Variants in ATAT1 observed in about 807,000 individuals in gnomAD.
The protein encoded by ATAT1 is alpha-tubulin N-acetyltransferase 1.
ATAT1 carries 42 observed loss-of-function variants against 57.2 expected under a neutral mutation model. The observed-to-expected ratio is 0.73, with a 90% confidence interval of 0.57 to 0.95. The LOEUF is 0.95. Among genes scored for constraint, ATAT1 ranks in the 40% least tolerant of loss-of-function variants. The pLI is 0.00. For synonymous variants in ATAT1, 168 were observed against 187.1 expected (o/e 0.90, Z 0.83); for missense variants, 454 against 523.7 (o/e 0.87, Z 1.30).
At chr6:30,631,865 G>A (rs755879082) in intron 6 of ATAT1, among the ~76,000 whole-genome samples, 2 of 152,138 alleles carry the variant, frequency 1.3e-5, no homozygotes, top group Non-Finnish European at 2.9e-5. Context: ...GTGTATGGCC[G>A]TGAGGTGGGA....
intron 6 of ATAT1, among the ~76,000 whole-genome samples, chr6:30,638,547 G>A (rs2127531351): frequency 6.6e-6 from 1 of 150,676 alleles, no homozygotes; most frequent in Non-Finnish European, 1.5e-5. Flanking sequence ...TGGGATTACA[G>A]GCGTGATCCA....
rs574688592 is a variant in ATAT1, at chr6:30,638,516, C to T, written c.502-1861C>T. Among the ~76,000 whole-genome samples the T allele has an allele frequency of 4.0e-5, 6 of 151,854 alleles. No individual in the cohort carries two copies. In the East Asian group the frequency reaches 5.8e-4, roughly 15 times the overall value. ...AACTCCTGACCTCAAGTGATCCACC[C>T]GCCTTGGCCTCCCAAATTGTTGGGA... On this transcript the variant is annotated intron_variant, in intron 6 of 12. Transcript: ENST00000330083.
At chr6:30,634,913 G>A (rs1235883140) in intron 6 of ATAT1, among the ~76,000 whole-genome samples, 3 of 151,876 alleles carry the variant, frequency 2.0e-5, no homozygotes, top group African/African-American at 4.8e-5. Context: ...GCGTGAACCC[G>A]GGAGGCAGAG....
rs1405052871 is a variant in ATAT1, at chr6:30,646,501, A to T, written c.1088A>T (p.Asp363Val). Residue 363 changes from aspartate to valine, a missense_variant, in exon 13 of 13, where the codon GAT (aspartate) becomes GTT (valine). Around this residue, in one of 3 missense-constraint regions of ATAT1, gnomAD observed 216 missense variants for 222.2 expected, o/e 0.97. Coordinates refer to ENST00000330083, the MANE Select transcript of ATAT1 (RefSeq NM_001031722.4). Reference sequence around the variant, plus strand: ...AGTGAGGAGCAGGCCTTGTCACAGGATGGGTCTGGGGAGAAGCCCATGCAC... The same window carrying T: ...AGTGAGGAGCAGGCCTTGTCACAGGTTGGGTCTGGGGAGAAGCCCATGCAC... The T allele has an allele frequency of 3.8e-6, 6 of 1,597,076 alleles. No individual in the cohort carries two copies. The highest frequency in any genetic ancestry group is 1.3e-5 in the African/African-American group (1 of 74,568).
Position 30,642,833 on chromosome 6 carries a change from GCCCACCCACCCCCCC to G in ATAT1, c.755_769del (p.Ala252_Arg257delinsGly). ...GGCCCCTCGCCGCGCCACACCTCCA[GCCCACCCACCCCCCC>G]GCTCCAGCAGCCTGGGAAACTCACC... On this transcript the variant is annotated inframe_deletion, in exon 10 of 13. Coordinates refer to ENST00000330083, the MANE Select transcript of ATAT1 (RefSeq NM_001031722.4). The G allele has an allele frequency of 1.6e-5, 25 of 1,537,648 alleles. No homozygotes were observed. Among genetic ancestry groups the G allele is most frequent in the East Asian group, 1.2e-4 (5 of 42,450 alleles).
chr6:30,644,311 G>A lies in ATAT1; in HGVS notation c.932+1300G>A, dbSNP rs533773705. On this transcript the variant is annotated intron_variant, in intron 10 of 12. Coordinates refer to ENST00000330083, the MANE Select transcript of ATAT1 (RefSeq NM_001031722.4). ...GAGTGTCAAGGATCTGTTAGATCCT[G>A]GAATCCCTTCTTGCATCCATCCCTC... 139 of 985,608 alleles carry A rather than the reference G, an allele frequency of 1.4e-4. No individual in the cohort carries two copies. The African/African-American group carries it at 2.1e-3, about 15-fold the overall frequency. The allele number at this position is 985,608 out of a possible 1,614,324, so 61.1% of individuals were successfully genotyped here.
intron 6 of ATAT1, among the ~76,000 whole-genome samples, chr6:30,638,822 C>G (rs138456392): frequency 9.2e-5 from 14 of 152,320 alleles, no homozygotes; most frequent in African/African-American, 3.4e-4. Flanking sequence ...AACCTTCTTT[C>G]AAATAGTGAC....
At position 30,646,649 on chromosome 6, in the gene ATAT1, G is replaced by A. The variant is rs1389629905; in HGVS notation, c.*6G>A. 2 of 1,549,130 alleles carry A rather than the reference G, an allele frequency of 1.3e-6. No homozygotes were observed. Among genetic ancestry groups the A allele is most frequent in the Non-Finnish European group, 1.7e-6 (2 of 1,145,568 alleles). On this transcript the variant is annotated 3_prime_UTR_variant, in exon 13 of 13. Coordinates refer to ENST00000330083, the MANE Select transcript of ATAT1 (RefSeq NM_001031722.4). ...GCAGCACCAGGCCTTGGTGACCGCAGCCCCGTCAAACATCTTCAAAGTATT... is the reference window on the plus strand; with the variant it reads ...GCAGCACCAGGCCTTGGTGACCGCAACCCCGTCAAACATCTTCAAAGTATT...
chr6:30,638,124 G>A (rs888316474), intron 6 of ATAT1, among the ~76,000 whole-genome samples: 4 of 151,928 alleles, frequency 2.6e-5, no homozygotes, highest in African/African-American at 7.2e-5. Flanking sequence ...TGATCGGCCC[G>A]CCTCGGCCTC....
chr6:30,636,350 C>T (rs1347257335), intron 6 of ATAT1, among the ~76,000 whole-genome samples: 2 of 152,072 alleles, frequency 1.3e-5, no homozygotes, highest in African/African-American at 4.8e-5. Context: ...TTTGGGAGGC[C>T]AAGGTAGGCG....
intron 1 of ATAT1, 21 bp from the exon 2 acceptor site, chr6:30,627,437 CTT>C: frequency 2.5e-6 from 4 of 1,610,686 alleles, no homozygotes; most frequent in Middle Eastern, 1.7e-4. Flanking sequence ...GTATCTGACT[CTT>C]TATTTCTTCT....
intron 6 of ATAT1, among the ~76,000 whole-genome samples, chr6:30,637,590 G>A (rs1193208813): frequency 6.6e-6 from 1 of 151,840 alleles, no homozygotes; most frequent in Non-Finnish European, 1.5e-5. Flanking sequence ...GGCTGAGACA[G>A]GAGAAGAGCT....
intron 8 of ATAT1, chr6:30,641,719 C>T: frequency 1.0e-6 from 1 of 953,528 alleles, no homozygotes; most frequent in South Asian, 4.8e-5. Flanking sequence ...TTGTGCCCTC[C>T]TTCCAAACCT....
chr6:30,627,434 A>ACTCTTTATTTCTT, intron 1 of ATAT1, 26 bp from the exon 2 acceptor site: 1 of 1,609,064 alleles, frequency 6.2e-7, no homozygotes, highest in Non-Finnish European at 8.5e-7. Flanking sequence ...TGAGTATCTG[A>ACTCTTTATTTCTT]CTCTTTATTT....
intron 10 of ATAT1, chr6:30,643,247 T>G (rs1036905396): frequency 7.0e-7 from 1 of 1,421,316 alleles, no homozygotes. Flanking sequence ...GTGAGAGTTA[T>G]GTGGAATGGT....
chr6:30,637,512 A>G (rs1337403996), intron 6 of ATAT1, among the ~76,000 whole-genome samples: 1 of 151,454 alleles, frequency 6.6e-6, no homozygotes, highest in Non-Finnish European at 1.5e-5. Context: ...GCGAAACCCC[A>G]TCTCTATTAA....
chr6:30,628,623 G>T (rs532157941), intron 6 of ATAT1, among the ~76,000 whole-genome samples, 193 bp downstream of exon 6: 68 of 144,446 alleles, frequency 4.7e-4, no homozygotes, highest in East Asian at 2.0e-3. Flanking sequence ...TTTTTTTTTT[G>T]AGATGGAGTC....
Position 30,642,198 on chromosome 6 carries a change from C to T in ATAT1, c.639C>T (p.Pro213=). 6.2e-7 allele frequency: 1 copy of T among 1,614,118 alleles called. No individual in the cohort carries two copies. Among genetic ancestry groups the T allele is most frequent in the Non-Finnish European group, 8.5e-7 (1 of 1,180,020 alleles). Reference sequence around the variant, plus strand: ...CAGCTCCAGCAAGGAAGCTGCCACCCAAGAGAGCAGAGGGAGACATCAAGC... The same window carrying T: ...CAGCTCCAGCAAGGAAGCTGCCACCTAAGAGAGCAGAGGGAGACATCAAGC... The change falls in exon 9 of 13, where the codon CCC becomes CCT. Residue 213 remains proline, a synonymous_variant. Transcript: ENST00000330083.
rs953437765 is a variant in ATAT1 at position 30,640,305 on chromosome 6, T to C, written c.502-72T>C. The C allele has an allele frequency of 8.9e-5, 135 of 1,518,102 alleles. 1 individual carries two copies. The Middle Eastern group carries it at 1.7e-3, about 19-fold the overall frequency. The allele number at this position is 1,518,102 out of a possible 1,614,324, so 94.0% of individuals were successfully genotyped here. A position where few individuals can be genotyped will look rare whatever the true frequency, so the allele number is the denominator to read the frequency against. ...ATGTTCACACAATGAAATCACCCAA[T>C]GACGTATTTCTCAGAATGTATCCCC... On this transcript the variant is annotated intron_variant, in intron 6 of 12. Transcript: ENST00000330083.
Sources: allele counts gnomAD v4.1 joint callset (sites outside exome capture counted in the v4.1 genomes callset), GRCh38; gene constraint gnomAD v4.1.1; regional missense constraint gnomAD v4.1.1; transcripts MANE v1.5; gene names NCBI Gene and HGNC (gene_info 2026-07-23, HGNC 2026-07-21).